The following METTL4 variants were observed in gnomAD, a reference collection of about 807,000 sequenced individuals.
METTL4 encodes N(6)-adenine-specific methyltransferase METTL4.
METTL4 carries 40 observed loss-of-function variants against 54.0 expected under a neutral mutation model. That is an observed-to-expected ratio of 0.74 (90% CI 0.58 to 0.96). METTL4 has a LOEUF of 0.96. Ranked by LOEUF, METTL4 falls within the 50% of genes least tolerant of loss-of-function variation. The pLI is 0.00. For missense variants in METTL4, 525 were observed against 549.0 expected (o/e 0.96, Z 0.44); for synonymous variants, 169 against 183.8 (o/e 0.92, Z 0.65).
chr18:2,553,726 T>C (rs1415900350), intron 4 of METTL4: 1 of 152,210 alleles, frequency 6.6e-6, no homozygotes, highest in South Asian at 2.1e-4. Context: ...GGTATATTTT[T>C]GTAAATGTGT....
At chr18:2,569,463 C>T (rs1360297088) in intron 1 of METTL4, among the ~76,000 whole-genome samples, 4 of 152,106 alleles carry the variant, frequency 2.6e-5, no homozygotes, top group African/African-American at 4.8e-5. Context: ...CTGGAGTCTC[C>T]GCCTTCTCCC....
chr18:2,537,710 T>G lies in METTL4; in HGVS notation c.*1290A>C, dbSNP rs983182086. 1 of 395,762 alleles carries G rather than the reference T, an allele frequency of 2.5e-6. No individual in the cohort carries two copies. Among genetic ancestry groups the G allele is most frequent in the Non-Finnish European group, 4.4e-6 (1 of 224,854 alleles). The allele number at this position is 395,762 out of a possible 1,614,324, so 24.5% of individuals were successfully genotyped here. A position where few individuals can be genotyped will look rare whatever the true frequency, so the allele number is the denominator to read the frequency against. On this transcript the variant is annotated 3_prime_UTR_variant, in exon 9 of 9. Coordinates refer to ENST00000574538, the MANE Select transcript of METTL4 (RefSeq NM_022840.5). Reference sequence around the variant, plus strand: ...GTAAATTGGCAAGCTTGTCAAAGAATCATTTCAGTCTAACATTTTACTTAG... The same window carrying G: ...GTAAATTGGCAAGCTTGTCAAAGAAGCATTTCAGTCTAACATTTTACTTAG...
intron 1 of METTL4, among the ~76,000 whole-genome samples, chr18:2,570,608 T>C (rs2072488800): frequency 6.6e-6 from 1 of 152,182 alleles, no homozygotes; most frequent in Non-Finnish European, 1.5e-5. Context: ...AATTTTCATA[T>C]AATTTTTATA....
rs927883757 is a variant in METTL4 at position 2,544,644 on chromosome 18, C to T, written c.1181+9G>A. On this transcript the variant is annotated intron_variant, in intron 7 of 8. Transcript: ENST00000574538. ...CATGTATACAATTTTGAAAAATCAC[C>T]TTTCCTACCTCAATGGTAGAGCAGT... 1 of 1,556,082 alleles carries T rather than the reference C, an allele frequency of 6.4e-7. No individual in the cohort carries two copies. Among genetic ancestry groups the T allele is most frequent in the African/African-American group, 1.4e-5 (1 of 72,368 alleles).
intron 3 of METTL4, among the ~76,000 whole-genome samples, 197 bp downstream of exon 3, chr18:2,563,600 C>CAAAAAAAAAAA (rs67428228): frequency 2.0e-5 from 2 of 97,802 alleles, no homozygotes; most frequent in Non-Finnish European, 3.8e-5. Context: ...GACTCTGCCT[C>CAAAAAAAAAAA]AAAAAAAAAA....
intron 8 of METTL4, among the ~76,000 whole-genome samples, chr18:2,542,172 T>G (rs1266662127): frequency 6.6e-6 from 1 of 151,920 alleles, no homozygotes; most frequent in Non-Finnish European, 1.5e-5. Flanking sequence ...TTCAAAGATA[T>G]AAGCTGTAAT....
At chr18:2,554,059 T>C (rs1467405122) in intron 4 of METTL4, 1 of 152,178 alleles carries the variant, frequency 6.6e-6, no homozygotes, top group Admixed American at 6.5e-5. Context: ...CTGATCAATA[T>C]ACCTCAAAAT....
intron 3 of METTL4, among the ~76,000 whole-genome samples, chr18:2,560,713 TAA>T (rs1365072250): frequency 6.6e-6 from 1 of 151,928 alleles, no homozygotes; most frequent in African/African-American, 2.4e-5. Context: ...CCGTGTCTAC[TAA>T]AAAAATACAA....
chr18:2,547,507 G>C lies in METTL4; in HGVS notation c.922C>G (p.Gln308Glu). The change falls in exon 6 of 9, where the codon CAA becomes GAA. Residue 308 changes from glutamine (Q) to glutamate (E), a missense_variant. Coordinates refer to ENST00000574538, the MANE Select transcript of METTL4 (RefSeq NM_022840.5). ...SNRYSYLSPL[Q>E]IQQIPIPKLA... The stretch of plus-strand genomic sequence containing the variant: ...TTAGGGATAGGTATTTGCTGTATTT[G>C]CAGGGGTGACAAATAACTGTACCTA... 3.1e-6 allele frequency: 5 copies of C among 1,589,372 alleles called. No homozygotes were observed. The highest frequency in any genetic ancestry group is 4.3e-6 in the Non-Finnish European group (5 of 1,170,268).
At chr18:2,544,034 T>G (rs773136431) in intron 8 of METTL4, among the ~76,000 whole-genome samples, 161 bp downstream of exon 8, 12 of 152,226 alleles carry the variant, frequency 7.9e-5, no homozygotes, top group Non-Finnish European at 1.5e-4. Context: ...TTCATAGAGA[T>G]AGGCAAATTC....
chr18:2,549,250 G>A (rs28636828), intron 5 of METTL4, among the ~76,000 whole-genome samples: 11,293 of 152,150 alleles, frequency 0.074, 748 homozygotes, highest in African/African-American at 0.18. Context: ...AGTCCCATAT[G>A]CTAGTATCTT....
chr18:2,554,682 T>C lies in METTL4; in HGVS notation c.816A>G (p.Gln272=), dbSNP rs370801176. 5 of 1,604,246 alleles carry C rather than the reference T, an allele frequency of 3.1e-6. No homozygotes were observed. The highest frequency in any genetic ancestry group is 4.2e-6 in the Non-Finnish European group (5 of 1,177,816). The change falls in exon 4 of 9, where the codon CAA becomes CAG. Residue 272 remains glutamine, a synonymous_variant. Transcript: ENST00000574538. ...SFLLSDISCM[Q]PLLNYRKTFD... is the part of the protein sequence containing the mutation. ...ATAATTACTTACAGTTTAGAAGTGG[T>C]TGCATACAAGAAATGTCAGATAAAA...
At chr18:2,569,526 T>G (rs1427213631) in intron 1 of METTL4, among the ~76,000 whole-genome samples, 4 of 131,734 alleles carry the variant, frequency 3.0e-5, no homozygotes, top group African/African-American at 1.1e-4. Context: ...CCCTCTAGCC[T>G]GGGAGGCTTG....
intron 2 of METTL4, among the ~76,000 whole-genome samples, chr18:2,565,962 G>A (rs1322901636): frequency 2.0e-5 from 3 of 151,684 alleles, no homozygotes; most frequent in Non-Finnish European, 2.9e-5. Context: ...CAGGAGAATG[G>A]CGTGAACCCG....
Position 2,555,183 on chromosome 18 carries a change from T to C in METTL4, c.460-145A>G, listed in dbSNP as rs971003884. 3 of 884,616 alleles carry C rather than the reference T, an allele frequency of 3.4e-6. No homozygotes were observed. The African/African-American group carries it at 5.1e-5, about 15-fold the overall frequency. 54.8% of individuals were successfully genotyped at this position (884,616 alleles called of 1,614,324 possible). A position where few individuals can be genotyped will look rare whatever the true frequency, so the allele number is the denominator to read the frequency against. On this transcript the variant is annotated intron_variant, in intron 3 of 8. Coordinates refer to ENST00000574538, the MANE Select transcript of METTL4 (RefSeq NM_022840.5). ...ATTCTGTACTACAATGAAAAGAATG[T>C]GTGAGCACGCCTTTGAACTGCTGTT...
chr18:2,539,851 T>TA (rs35086373), intron 8 of METTL4: 191,760 of 797,216 alleles, frequency 0.24, 8,224 homozygotes, highest in South Asian at 0.32. Flanking sequence ...ACAACCCATT[T>TA]AAAAAAAAAA....
chr18:2,555,588 T>C (rs1224286065), intron 3 of METTL4: 2 of 152,186 alleles, frequency 1.3e-5, no homozygotes, highest in Non-Finnish European at 2.9e-5. Context: ...AAAATAAACA[T>C]ACCTTTTCTT....
intron 3 of METTL4, among the ~76,000 whole-genome samples, chr18:2,556,736 A>G (rs1037414846): frequency 6.6e-6 from 1 of 152,196 alleles, no homozygotes; most frequent in East Asian, 1.9e-4. Flanking sequence ...GAGACATAAA[A>G]AAAGGACCAA....
chr18:2,548,006 A>G (rs2072097581), intron 5 of METTL4, among the ~76,000 whole-genome samples: 1 of 152,144 alleles, frequency 6.6e-6, no homozygotes, highest in Non-Finnish European at 1.5e-5. Flanking sequence ...AGCTTCTCCT[A>G]GCCCTAGAAT....
Sources: gnomAD v4.1 joint callset for allele counts (sites outside exome capture counted in the v4.1 genomes callset) on GRCh38, gnomAD v4.1.1 for gene constraint, MANE v1.5 for transcripts, NCBI Gene and HGNC (gene_info 2026-07-23, HGNC 2026-07-21) for gene names.